Variants in LSAMP observed in about 807,000 individuals in gnomAD.
LSAMP encodes limbic system associated membrane protein, also known as limbic system-associated membrane protein.
LSAMP carries 7 observed loss-of-function variants against 38.6 expected under a neutral mutation model. That is an observed-to-expected ratio of 0.18 (90% CI 0.10 to 0.34). The LOEUF (loss-of-function observed/expected upper bound fraction) is 0.34, where lower values mean the gene tolerates loss of function less well. LSAMP is among the 10% of genes least tolerant of loss of function. The probability of loss-of-function intolerance (pLI) is 1.00; values close to 1 mark genes in which losing one functional copy is unlikely to be tolerated. For synonymous variants in LSAMP, 154 were observed against 166.8 expected, an observed-to-expected ratio of 0.92 and a Z score of 0.59; for missense variants, 313 against 420.0, an observed-to-expected ratio of 0.75 and a Z score of 2.23.
chr3:115,855,917 A>G (rs1935494310), intron 3 of LSAMP, among the ~76,000 whole-genome samples: 3 of 152,140 alleles, frequency 2.0e-5, no homozygotes, highest in Admixed American at 2.0e-4. Flanking sequence ...AAACTCTTGC[A>G]TTCCCTGGCC....
At chr3:116,251,906 T>G (rs184563404) in intron 1 of LSAMP, among the ~76,000 whole-genome samples, 12 of 152,350 alleles carry the variant, frequency 7.9e-5, no homozygotes, top group Admixed American at 2.0e-4. Context: ...AAACTCATTC[T>G]GCTTCTCATA....
intron 1 of LSAMP, among the ~76,000 whole-genome samples, chr3:116,215,674 G>C (rs1000713699): frequency 2.0e-5 from 3 of 152,148 alleles, no homozygotes; most frequent in African/African-American, 7.2e-5. Context: ...CAAGCAATCA[G>C]AGAGATGCAT....
At chr3:115,816,624 G>A (rs1428307964) in intron 6 of LSAMP, 2 of 1,285,810 alleles carry the variant, frequency 1.6e-6, no homozygotes, top group African/African-American at 3.1e-5. Context: ...CTTTTTGCTT[G>A]AAGTGCACGG....
intron 1 of LSAMP, among the ~76,000 whole-genome samples, chr3:116,236,771 T>G (rs2046469868): frequency 6.6e-6 from 1 of 152,082 alleles, no homozygotes; most frequent in Non-Finnish European, 1.5e-5. Flanking sequence ...TCAAGATATT[T>G]GAATAAACCA....
At chr3:115,997,713 G>GATATATATAT (rs376845636) in intron 3 of LSAMP, among the ~76,000 whole-genome samples, 10 of 91,668 alleles carry the variant, frequency 1.1e-4, no homozygotes, top group Non-Finnish European at 2.1e-4. Context: ...GACATTTTGG[G>GATATATATAT]ATATATATAT....
At chr3:116,405,104 C>T (rs763485278) in intron 1 of LSAMP, among the ~76,000 whole-genome samples, 2 of 152,098 alleles carry the variant, frequency 1.3e-5, no homozygotes, top group Non-Finnish European at 2.9e-5. Context: ...AATATATTTG[C>T]TTCCTAGATA....
At chr3:116,156,983 C>T (rs1442867871) in intron 1 of LSAMP, among the ~76,000 whole-genome samples, 4 of 152,040 alleles carry the variant, frequency 2.6e-5, no homozygotes, top group Non-Finnish European at 4.4e-5. Flanking sequence ...TCTAAGGACT[C>T]TAATGATTGA....
intron 2 of LSAMP, among the ~76,000 whole-genome samples, chr3:116,022,093 T>C (rs1278570823): frequency 2.0e-5 from 3 of 152,180 alleles, no homozygotes; most frequent in Non-Finnish European, 4.4e-5. Context: ...GTATCCCATG[T>C]GCCTCTGGAT....
Position 116,388,699 on chromosome 3 carries a change from C to A in LSAMP, c.155+56178G>T, listed in dbSNP as rs114037329. Reference sequence around the variant, plus strand: ...TATTCCCAATAAACAAAGTAAAGAGCCTGAAATATCCAAAATGTTCATTTG... The same window carrying A: ...TATTCCCAATAAACAAAGTAAAGAGACTGAAATATCCAAAATGTTCATTTG... On this transcript the variant is annotated intron_variant, in intron 1 of 6. Transcript: ENST00000490035. Among the ~76,000 whole-genome samples, 686 of 152,206 alleles carry A rather than the reference C, an allele frequency of 4.5e-3. 8 individuals carry two copies. Among genetic ancestry groups the A allele is most frequent in the African/African-American group, 0.016 (652 of 41,502 alleles).
At chr3:116,337,939 T>C (rs569302094) in intron 1 of LSAMP, among the ~76,000 whole-genome samples, 1 of 152,140 alleles carries the variant, frequency 6.6e-6, no homozygotes, top group South Asian at 2.1e-4. Context: ...GTCTAAGAAT[T>C]ACACTTTAAA....
chr3:116,230,462 C>T (rs902564389), intron 1 of LSAMP, among the ~76,000 whole-genome samples: 4 of 152,218 alleles, frequency 2.6e-5, no homozygotes, highest in Middle Eastern at 3.4e-3. Context: ...TCATATATTT[C>T]AAAATTCGAT....
At chr3:115,845,608 T>C (rs561818219) in intron 4 of LSAMP, among the ~76,000 whole-genome samples, 3 of 152,234 alleles carry the variant, frequency 2.0e-5, no homozygotes, top group African/African-American at 4.8e-5. Context: ...TTATTTGGGC[T>C]CTCTCCTTTC....
chr3:115,900,969 AT>A (rs1936858865), intron 3 of LSAMP, among the ~76,000 whole-genome samples: 1 of 152,048 alleles, frequency 6.6e-6, no homozygotes, highest in African/African-American at 2.4e-5. Flanking sequence ...TTCCCTCTCA[AT>A]TTTGGCAAAA....
chr3:116,424,410 A>G (rs2049167594), intron 1 of LSAMP, among the ~76,000 whole-genome samples: 1 of 152,220 alleles, frequency 6.6e-6, no homozygotes, highest in Non-Finnish European at 1.5e-5. Context: ...GTGACAAAAC[A>G]CAAACAATTT....
intron 1 of LSAMP, among the ~76,000 whole-genome samples, chr3:116,257,327 C>T (rs1258017150): frequency 1.3e-5 from 2 of 152,188 alleles, no homozygotes; most frequent in Non-Finnish European, 2.9e-5. Flanking sequence ...GCCAAACACT[C>T]ACTATGCAAA....
intron 3 of LSAMP, among the ~76,000 whole-genome samples, chr3:115,978,918 G>A (rs1311353819): frequency 6.6e-6 from 1 of 152,184 alleles, no homozygotes; most frequent in East Asian, 1.9e-4. Flanking sequence ...AAGGAGGTGA[G>A]TAAGGAGATG....
At chr3:116,113,127 AG>A (rs141439223) in intron 1 of LSAMP, among the ~76,000 whole-genome samples, 36 of 152,312 alleles carry the variant, frequency 2.4e-4, no homozygotes, top group African/African-American at 7.7e-4. Context: ...AGAGAGTAAC[AG>A]TGTGGCTACA....
intron 1 of LSAMP, among the ~76,000 whole-genome samples, chr3:116,165,547 AACACACATACAC>A (rs1162352889): frequency 6.6e-6 from 1 of 151,976 alleles, no homozygotes; most frequent in Admixed American, 6.6e-5. Flanking sequence ...TCTGAACACA[AACACACATACAC>A]ACACACACAC....
chr3:116,327,088 A>C (rs988957900), intron 1 of LSAMP, among the ~76,000 whole-genome samples: 23 of 152,202 alleles, frequency 1.5e-4, no homozygotes, highest in Non-Finnish European at 7.3e-5. Flanking sequence ...GCACATTAAC[A>C]TGCAAATGAA....
Sources: gnomAD v4.1 joint callset for allele counts (sites outside exome capture counted in the v4.1 genomes callset) on GRCh38, gnomAD v4.1.1 for gene constraint, MANE v1.5 for transcripts, NCBI Gene and HGNC (gene_info 2026-07-23, HGNC 2026-07-21) for gene names.